Variants in MLLT10 observed in about 807,000 individuals in gnomAD.
MLLT10 encodes MLLT10 histone lysine methyltransferase DOT1L cofactor, also known as protein AF-10.
MLLT10 carries 30 observed loss-of-function variants against 129.1 expected under a neutral mutation model. The ratio of observed to expected loss-of-function variants is 0.23; its 90% CI spans 0.17 to 0.32. The LOEUF (loss-of-function observed/expected upper bound fraction) is 0.32. Among genes scored for constraint, MLLT10 ranks in the 10% least tolerant of loss-of-function variants. The pLI is 1.00. For synonymous variants in MLLT10, 490 were observed against 446.4 expected (o/e 1.10, Z -1.23); for missense variants, 1,119 against 1,268.3 (o/e 0.88, Z 1.79).
At chr10:21,719,150 G>T (rs937000794) in intron 14 of MLLT10, among the ~76,000 whole-genome samples, 6 of 152,226 alleles carry the variant, frequency 3.9e-5, no homozygotes, top group Non-Finnish European at 8.8e-5. Context: ...TTATGTAGGG[G>T]AAGTTGTCTA....
intron 3 of MLLT10, among the ~76,000 whole-genome samples, chr10:21,570,843 G>C (rs1329870095): frequency 6.6e-6 from 1 of 151,920 alleles, no homozygotes; most frequent in Non-Finnish European, 1.5e-5. Flanking sequence ...GTTTCATTAT[G>C]GGGTGTAACT....
rs2048727577 is a variant in MLLT10 at position 21,648,513 on chromosome 10, T to C, written c.700-3160T>C. 2.6e-5 allele frequency among the ~76,000 whole-genome samples: 4 copies of C among 152,354 alleles called. 1 individual carries two copies. The highest frequency in any genetic ancestry group is 4.1e-4 in the South Asian group (2 of 4,828). ...CACCATTAAATTATCTCAGCTCTTA[T>C]AACCTTGAAGAACAAAGCCCAGAAT... On this transcript the variant is annotated intron_variant, in intron 8 of 22. Coordinates refer to ENST00000307729, the MANE Select transcript of MLLT10 (RefSeq NM_001195626.3).
chr10:21,734,759 C>T (rs2058225920), intron 20 of MLLT10, among the ~76,000 whole-genome samples: 1 of 152,156 alleles, frequency 6.6e-6, no homozygotes. Context: ...TAGGTCAAAT[C>T]AGTGGTATGT....
rs1218553367 is a variant in MLLT10 at position 21,673,545 on chromosome 10, C to A, written c.1247C>A (p.Thr416Asn). ...SQEGGVNSFS[T>N]LIGLPSTSAV... ...GAAGGGGGGGTAAATAGTTTTAGTA[C>A]CTTAATTGGCCTCCCTTCAACCTCA... The change falls in exon 11 of 23, where the codon ACC becomes AAC. Residue 416 changes from threonine to asparagine, a missense_variant. By Grantham distance (65) the Thr-to-Asn change is moderately conservative. Coordinates refer to ENST00000307729, the MANE Select transcript of MLLT10 (RefSeq NM_001195626.3). 4 of 1,613,054 alleles carry A rather than the reference C, an allele frequency of 2.5e-6. No individual in the cohort carries two copies. Among genetic ancestry groups the A allele is most frequent in the Non-Finnish European group, 3.4e-6 (4 of 1,179,648 alleles).
At chr10:21,581,185 A>G (rs1455393907) in intron 3 of MLLT10, among the ~76,000 whole-genome samples, 2 of 151,502 alleles carry the variant, frequency 1.3e-5, no homozygotes, top group African/African-American at 4.9e-5. Context: ...AGCTGGGACT[A>G]CAGGCGCCCA....
intron 3 of MLLT10, chr10:21,556,725 C>T (rs2038051744): frequency 6.2e-7 from 1 of 1,612,114 alleles, no homozygotes; most frequent in South Asian, 1.1e-5. Context: ...TGTGCATCTC[C>T]CCACCCCCGA....
intron 13 of MLLT10, among the ~76,000 whole-genome samples, chr10:21,683,974 G>A (rs987987439): frequency 2.0e-5 from 3 of 151,542 alleles, no homozygotes; most frequent in East Asian, 3.9e-4. Context: ...GAACATAGTC[G>A]TTTACAGCTA....
Position 21,716,263 on chromosome 10 carries a change from C to A in MLLT10, c.1878+2313C>A, listed in dbSNP as rs533471229. On this transcript the variant is annotated intron_variant, in intron 14 of 22. Coordinates refer to ENST00000307729, the MANE Select transcript of MLLT10 (RefSeq NM_001195626.3). ...TATTCCTGTTTCACTCTCATATAGA[C>A]CCTGTTTGTTTTCAAGTCTTACATT... Among the ~76,000 whole-genome samples, 5 of 152,242 alleles carry A rather than the reference C, an allele frequency of 3.3e-5. No individual in the cohort carries two copies. In the South Asian group the frequency reaches 1.0e-3, roughly 32 times the overall value.
At position 21,677,754 on chromosome 10, in the gene MLLT10, TC is replaced by T. The variant is rs531020318; in HGVS notation, c.1622-3577del. Among the ~76,000 whole-genome samples, 239 of 152,294 alleles carry T rather than the reference TC, an allele frequency of 1.6e-3. 3 individuals are homozygous for T. Among genetic ancestry groups the T allele is most frequent in the African/African-American group, 5.6e-3 (232 of 41,552 alleles). On this transcript the variant is annotated intron_variant, in intron 11 of 22. Coordinates refer to ENST00000307729, the MANE Select transcript of MLLT10 (RefSeq NM_001195626.3). ...GTATTACATCATCACAAGTTGTTTTTCATGATGCTGTTTTTAAAAGATTGAC... is the reference window on the plus strand; with the variant it reads ...GTATTACATCATCACAAGTTGTTTTTATGATGCTGTTTTTAAAAGATTGAC...
At chr10:21,576,445 G>T (rs1479880155) in intron 3 of MLLT10, among the ~76,000 whole-genome samples, 1 of 150,612 alleles carries the variant, frequency 6.6e-6, no homozygotes, top group Admixed American at 6.6e-5. Flanking sequence ...TTGTCACCAT[G>T]TTGACAGGCT....
chr10:21,635,027 T>A (rs546973873), intron 8 of MLLT10, among the ~76,000 whole-genome samples: 1 of 152,348 alleles, frequency 6.6e-6, no homozygotes, highest in South Asian at 2.1e-4. Context: ...GCATATCTAC[T>A]TGGAGTGTGT....
At chr10:21,728,525 T>C (rs2131564131) in intron 16 of MLLT10, among the ~76,000 whole-genome samples, 1 of 152,338 alleles carries the variant, frequency 6.6e-6, no homozygotes, top group African/African-American at 2.4e-5. Context: ...TATGAGATAC[T>C]GTGTCTGCTT....
At chr10:21,693,770 CT>C (rs1262218511) in intron 13 of MLLT10, among the ~76,000 whole-genome samples, 5 of 152,116 alleles carry the variant, frequency 3.3e-5, no homozygotes, top group Admixed American at 3.3e-4. Flanking sequence ...GAATACTGCC[CT>C]TAATGTTCTT....
chr10:21,711,278 C>G (rs1460891554), intron 13 of MLLT10, among the ~76,000 whole-genome samples: 1 of 152,030 alleles, frequency 6.6e-6, no homozygotes, highest in East Asian at 1.9e-4. Flanking sequence ...CAAAAATTAG[C>G]TGAGTGTGAT....
chr10:21,556,712 G>A (rs779274197), intron 3 of MLLT10: 13 of 1,612,268 alleles, frequency 8.1e-6, no homozygotes, highest in Non-Finnish European at 1.1e-5. Context: ...ACATCACTGC[G>A]CATGTGCATC....
At chr10:21,579,280 T>A (rs2041117557) in intron 3 of MLLT10, among the ~76,000 whole-genome samples, 1 of 152,234 alleles carries the variant, frequency 6.6e-6, no homozygotes, top group Non-Finnish European at 1.5e-5. Context: ...CTTTTGGTGC[T>A]TCAAGATTTT....
chr10:21,607,692 G>A (rs1224040075), intron 5 of MLLT10, among the ~76,000 whole-genome samples: 2 of 152,118 alleles, frequency 1.3e-5, no homozygotes, highest in Admixed American at 1.3e-4. Context: ...ATATGTTACA[G>A]TCTTGGCAAT....
At chr10:21,571,118 A>C (rs566937603) in intron 3 of MLLT10, among the ~76,000 whole-genome samples, 12 of 152,268 alleles carry the variant, frequency 7.9e-5, no homozygotes, top group African/African-American at 2.9e-4. Context: ...CTACAATGTG[A>C]TATAAATTAT....
chr10:21,716,938 A>T (rs1041359257), intron 14 of MLLT10, among the ~76,000 whole-genome samples: 4 of 152,012 alleles, frequency 2.6e-5, no homozygotes, highest in African/African-American at 7.2e-5. Flanking sequence ...ATAGACCTCT[A>T]CATTGCCTTA....
Sources: allele counts gnomAD v4.1 joint callset (sites outside exome capture counted in the v4.1 genomes callset), GRCh38; gene constraint gnomAD v4.1.1; transcripts MANE v1.5; gene names NCBI Gene and HGNC (gene_info 2026-07-23, HGNC 2026-07-21).